ULK2: variants seen among roughly 807,000 people sequenced by gnomAD.
ULK2 encodes serine/threonine-protein kinase ULK2.
ULK2 carries 76 observed loss-of-function variants against 127.5 expected under a neutral mutation model. That is an observed-to-expected ratio of 0.60 (90% CI 0.50 to 0.72). The LOEUF (loss-of-function observed/expected upper bound fraction) is 0.72, where lower values mean the gene tolerates loss of function less well. Among genes scored for constraint, ULK2 ranks in the 30% least tolerant of loss-of-function variants. The pLI, the probability that ULK2 is intolerant of heterozygous loss-of-function variation, is 0.00. For missense variants in ULK2, 1,144 were observed against 1,295.9 expected, an observed-to-expected ratio of 0.88 and a Z score of 1.80; for synonymous variants, 452 against 461.9, an observed-to-expected ratio of 0.98 and a Z score of 0.28.
rs758472920 is a variant in ULK2, at chr17:19,864,846, T to C, written c.184-2A>G. 1 of 1,309,838 alleles carries C rather than the reference T, an allele frequency of 7.6e-7. No homozygotes were observed. Among genetic ancestry groups the C allele is most frequent in the South Asian group, 2.2e-5 (1 of 46,382 alleles). The allele number at this position is 1,309,838 out of a possible 1,614,324, so 81.1% of individuals were successfully genotyped here. On this transcript the variant is annotated splice_acceptor_variant, in intron 2 of 26. Transcript: ENST00000395544. LOFTEE classifies it high-confidence loss of function. Reference sequence around the variant, plus strand: ...TACAATATTTTCATGCTGAAGTTCCTATTAAGAAAATTGAGAATGAAAAAT... The same window carrying C: ...TACAATATTTTCATGCTGAAGTTCCCATTAAGAAAATTGAGAATGAAAAAT...
intron 16 of ULK2, 39 bp downstream of exon 16, chr17:19,801,738 A>T: frequency 6.2e-7 from 1 of 1,607,018 alleles, no homozygotes; most frequent in Non-Finnish European, 8.5e-7. Flanking sequence ...ATTACAGTGA[A>T]AAAAAGGTTG....
chr17:19,801,638 G>A (rs2087400453), intron 16 of ULK2, 139 bp downstream of exon 16: 1 of 1,088,960 alleles, frequency 9.2e-7, no homozygotes, highest in African/African-American at 1.6e-5. Flanking sequence ...TTGGGGTAAA[G>A]ATGGAGGGAC....
chr17:19,819,561 T>C (rs1402641461), intron 12 of ULK2, among the ~76,000 whole-genome samples: 2 of 152,208 alleles, frequency 1.3e-5, no homozygotes, highest in Non-Finnish European at 2.9e-5. Context: ...TCCTACTTTT[T>C]GATCTTCAGC....
intron 14 of ULK2, among the ~76,000 whole-genome samples, chr17:19,808,019 T>C (rs2087550880): frequency 6.6e-6 from 1 of 152,064 alleles, no homozygotes; most frequent in African/African-American, 2.4e-5. Context: ...GGCAGGAGAA[T>C]TGCTTGAACC....
chr17:19,814,430 A>T (rs2040920637), intron 13 of ULK2, among the ~76,000 whole-genome samples: 15 of 14,898 alleles, frequency 1.0e-3, no homozygotes, highest in Admixed American at 3.5e-3. Flanking sequence ...ATATATATAT[A>T]TATATATATT....
At chr17:19,823,838 T>C (rs1337735440) in intron 12 of ULK2, among the ~76,000 whole-genome samples, 1 of 152,208 alleles carries the variant, frequency 6.6e-6, no homozygotes, top group Non-Finnish European at 1.5e-5. Context: ...CTATTTGGTA[T>C]GAATTTGCGG....
At chr17:19,777,305 A>C (rs2086829744) in intron 26 of ULK2, among the ~76,000 whole-genome samples, 1 of 152,190 alleles carries the variant, frequency 6.6e-6, no homozygotes. Context: ...GGGTTTCGCT[A>C]TGTTGGCCGG....
chr17:19,827,888 C>T (rs773636386), intron 10 of ULK2, among the ~76,000 whole-genome samples: 5 of 150,486 alleles, frequency 3.3e-5, no homozygotes, highest in Non-Finnish European at 7.4e-5. Flanking sequence ...CCAGCCTAGG[C>T]ACCAAGGGCG....
At chr17:19,852,819 G>A (rs910450670) in intron 3 of ULK2, among the ~76,000 whole-genome samples, 1 of 150,800 alleles carries the variant, frequency 6.6e-6, no homozygotes, top group Non-Finnish European at 1.5e-5. Flanking sequence ...TGTTGTTGTT[G>A]TTTTGTATTT....
Position 19,846,703 on chromosome 17 carries a change from T to C in ULK2, c.469+34A>G, listed in dbSNP as rs151256068. On this transcript the variant is annotated intron_variant, in intron 6 of 26. Coordinates refer to ENST00000395544, the MANE Select transcript of ULK2 (RefSeq NM_014683.4). ...GTTGTCTAAAAATAGTTTCAAAAAATGTCCTTTCCATGACACAATACATGG... is the reference window on the plus strand; with the variant it reads ...GTTGTCTAAAAATAGTTTCAAAAAACGTCCTTTCCATGACACAATACATGG... 2,266 of 1,515,598 alleles carry C rather than the reference T, an allele frequency of 1.5e-3. 21 individuals carry two copies. The African/African-American group carries it at 0.025, about 17-fold the overall frequency. The allele number at this position is 1,515,598 out of a possible 1,614,324, so 93.9% of individuals were successfully genotyped here.
chr17:19,855,068 C>T (rs1304377105), intron 3 of ULK2, among the ~76,000 whole-genome samples: 1 of 147,668 alleles, frequency 6.8e-6, no homozygotes, highest in East Asian at 2.0e-4. Context: ...CCACTGTACT[C>T]CAGACTTGGC....
At chr17:19,859,568 T>G (rs1441226276) in intron 3 of ULK2, among the ~76,000 whole-genome samples, 1 of 152,204 alleles carries the variant, frequency 6.6e-6, no homozygotes, top group East Asian at 1.9e-4. Flanking sequence ...TTCAAGGAAT[T>G]TATTCTACAG....
intron 3 of ULK2, among the ~76,000 whole-genome samples, chr17:19,861,444 C>T (rs1370904727): frequency 6.6e-6 from 1 of 152,076 alleles, no homozygotes; most frequent in African/African-American, 2.4e-5. Context: ...ACTCTGGAGG[C>T]TGAGGCAGGA....
intron 11 of ULK2, among the ~76,000 whole-genome samples, chr17:19,825,935 G>A (rs1189464601): frequency 2.7e-5 from 4 of 148,166 alleles, no homozygotes; most frequent in Admixed American, 1.4e-4. Context: ...GCTGTGAGCC[G>A]AGATCACGCC....
At chr17:19,820,170 T>A (rs1482528061) in intron 12 of ULK2, among the ~76,000 whole-genome samples, 1 of 151,476 alleles carries the variant, frequency 6.6e-6, no homozygotes, top group Non-Finnish European at 1.5e-5. Flanking sequence ...TGCTGCAGCC[T>A]CCCGAGTAGC....
chr17:19,801,975 C>A lies in ULK2; in HGVS notation c.1296-53G>T. On this transcript the variant is annotated intron_variant, in intron 15 of 26. Transcript: ENST00000395544. ...AAGGTTCTAGAACTCTCTTTTTATT[C>A]CTGCATTTTCTGAAACTTCCTAACA... The A allele has an allele frequency of 6.6e-6, 10 of 1,519,580 alleles. No homozygotes were observed. The South Asian group carries it at 1.2e-4, about 18-fold the overall frequency. The allele number at this position is 1,519,580 out of a possible 1,614,324, so 94.1% of individuals were successfully genotyped here. A position where few individuals can be genotyped will look rare whatever the true frequency, so the allele number is the denominator to read the frequency against.
chr17:19,817,044 G>T, intron 12 of ULK2, 124 bp from the exon 13 acceptor site: 2 of 774,602 alleles, frequency 2.6e-6, no homozygotes, highest in Non-Finnish European at 3.8e-6. Context: ...TTCCATCTAA[G>T]GTTTCAAAAA....
chr17:19,796,265 T>C lies in ULK2; in HGVS notation c.1827A>G (p.Lys609=). ...TGGAAGATGCTTGAGTTTTAGGGAT[T>C]TTGAAAGGAGCTGTGGTCTAAAGAG... is the stretch of plus-strand genomic sequence containing the variant. The part of the protein sequence containing the change: ...GSPTKTTAPF[K]IPKTQASSNL... Residue 609 remains lysine, a synonymous_variant, in exon 19 of 27, where the codon AAA becomes AAG. Coordinates refer to ENST00000395544, the MANE Select transcript of ULK2 (RefSeq NM_014683.4). 1 of 1,606,398 alleles carries C rather than the reference T, an allele frequency of 6.2e-7. No individual in the cohort carries two copies. Among genetic ancestry groups the C allele is most frequent in the Non-Finnish European group, 8.5e-7 (1 of 1,178,592 alleles).
At chr17:19,831,699 C>G (rs2041448265) in intron 10 of ULK2, among the ~76,000 whole-genome samples, 1 of 151,494 alleles carries the variant, frequency 6.6e-6, no homozygotes, top group Admixed American at 6.6e-5. Context: ...TGGTGGTGGG[C>G]ACCTGTAATC....
Sources: allele counts gnomAD v4.1 joint callset (sites outside exome capture counted in the v4.1 genomes callset), GRCh38; gene constraint gnomAD v4.1.1; transcripts MANE v1.5; gene names NCBI Gene and HGNC (gene_info 2026-07-23, HGNC 2026-07-21).